The following RPS6KC1 variants were observed in gnomAD, a reference collection of about 807,000 sequenced individuals.
RPS6KC1 encodes the protein inactive ribosomal protein S6 kinase delta-1.
RPS6KC1 carries 54 observed loss-of-function variants against 103.8 expected under a neutral mutation model. That is an observed-to-expected ratio of 0.52 (90% confidence interval 0.42 to 0.65). The LOEUF is 0.65. Ranked by LOEUF, RPS6KC1 falls within the 30% of genes least tolerant of loss-of-function variation. RPS6KC1 has a pLI of 0.00. For missense variants in RPS6KC1, 1,151 were observed against 1,253.8 expected (o/e 0.92, Z 1.24); for synonymous variants, 439 against 438.7 (o/e 1.00, Z -0.01).
chr1:213,793,065 C>G, the RPS6KC1 span, among the ~76,000 whole-genome samples: 1 of 152,142 alleles, frequency 6.6e-6, no homozygotes, highest in African/African-American at 2.4e-5. Flanking sequence ...ACCAGGACCC[C>G]CAGTCTCCAT....
chr1:213,761,779 A>G, the RPS6KC1 span, among the ~76,000 whole-genome samples: 543 of 152,294 alleles, frequency 3.6e-3, 1 homozygote, highest in African/African-American at 0.012. Context: ...AGGCAAGAAG[A>G]ATGAGTCTCT....
the RPS6KC1 span, among the ~76,000 whole-genome samples, chr1:213,757,795 G>A: frequency 6.6e-6 from 1 of 152,162 alleles, no homozygotes; most frequent in African/African-American, 2.4e-5. Flanking sequence ...AGGACGGGCT[G>A]ACTCTCTTGT....
At chr1:213,768,197 C>T in the RPS6KC1 span, among the ~76,000 whole-genome samples, 1 of 152,088 alleles carries the variant, frequency 6.6e-6, no homozygotes, top group Non-Finnish European at 1.5e-5. Context: ...TATGATCCAG[C>T]GGGGACTCAG....
In RPS6KC1 at chr1:213,240,720, A is replaced by T; in HGVS notation, c.1244A>T (p.Tyr415Phe). 1.2e-6 allele frequency: 2 copies of T among 1,611,538 alleles called. No individual in the cohort carries two copies. The highest frequency in any genetic ancestry group is 1.7e-6 in the Non-Finnish European group (2 of 1,178,778). Reference sequence around the variant, plus strand: ...TTCACAGGTGGCAAACTGTGGTCATATATCAGTAAATTTCTAAACAGAAGT... The same window carrying T: ...TTCACAGGTGGCAAACTGTGGTCATTTATCAGTAAATTTCTAAACAGAAGT... Reference protein sequence around the residue: ...QHAEGGKLWSYISKFLNRSPE... With the variant: ...QHAEGGKLWSFISKFLNRSPE... The change falls in exon 11 of 15, where the codon TAT becomes TTT. Residue 415 changes from tyrosine (Y) to phenylalanine (F), a missense_variant. Tyr to Phe is a conservative substitution (Grantham distance 22). Transcript: ENST00000366960.
At chr1:213,278,862 T>G (rs565071774), downstream of RPS6KC1, among the ~76,000 whole-genome samples, 1 of 152,012 alleles carries the variant, frequency 6.6e-6, no homozygotes, top group Admixed American at 6.6e-5. Flanking sequence ...GAAGTGTAGA[T>G]AGGATTTTTA....
chr1:213,692,682 G>C, the RPS6KC1 span, among the ~76,000 whole-genome samples: 1 of 152,148 alleles, frequency 6.6e-6, no homozygotes. Flanking sequence ...CCAGTCGACT[G>C]TCCCTAGAAG....
intron 14 of RPS6KC1, among the ~76,000 whole-genome samples, chr1:213,263,534 T>G (rs2094846077): frequency 6.6e-6 from 1 of 152,160 alleles, no homozygotes; most frequent in Non-Finnish European, 1.5e-5. Flanking sequence ...ATCCTTATGC[T>G]TTTATGAAAA....
the RPS6KC1 span, among the ~76,000 whole-genome samples, chr1:213,457,104 A>C: frequency 6.6e-6 from 1 of 152,156 alleles, no homozygotes; most frequent in Non-Finnish European, 1.5e-5. Flanking sequence ...GGGAGGGGAG[A>C]GGTCACCCTA....
At chr1:213,765,099 G>T in the RPS6KC1 span, among the ~76,000 whole-genome samples, 1 of 152,182 alleles carries the variant, frequency 6.6e-6, no homozygotes, top group South Asian at 2.1e-4. Context: ...TCATCCTGGT[G>T]CACCAAGCTC....
the RPS6KC1 span, among the ~76,000 whole-genome samples, chr1:213,814,289 C>T: frequency 1.1e-4 from 17 of 152,182 alleles, no homozygotes; most frequent in African/African-American, 3.4e-4. Flanking sequence ...GGGGCTTGGG[C>T]GAAGCCTAAA....
the RPS6KC1 span, among the ~76,000 whole-genome samples, chr1:213,794,941 G>T: frequency 6.6e-6 from 1 of 152,138 alleles, no homozygotes; most frequent in Non-Finnish European, 1.5e-5. Context: ...ATAAATGCAC[G>T]TCTAGGTCAG....
chr1:213,284,351 A>G, the RPS6KC1 span, among the ~76,000 whole-genome samples: 135 of 152,258 alleles, frequency 8.9e-4, no homozygotes, highest in Non-Finnish European at 8.1e-4. Flanking sequence ...CCGTGTCTCT[A>G]CTAAAGTACA....
At chr1:213,532,212 G>C in the RPS6KC1 span, among the ~76,000 whole-genome samples, 2 of 152,314 alleles carry the variant, frequency 1.3e-5, no homozygotes, top group East Asian at 3.9e-4. Flanking sequence ...CCAGCAGATG[G>C]GCAGAAGGGG....
chr1:213,599,470 G>T, the RPS6KC1 span, among the ~76,000 whole-genome samples: 11 of 148,406 alleles, frequency 7.4e-5, no homozygotes, highest in African/African-American at 1.0e-4. Context: ...GGTAGAACGA[G>T]GGGGGGAAAA....
At chr1:213,856,502 T>G in the RPS6KC1 span, among the ~76,000 whole-genome samples, 3 of 135,176 alleles carry the variant, frequency 2.2e-5, no homozygotes, top group Admixed American at 2.3e-4. Context: ...CCTTCCCTCC[T>G]CTATTCCTTT....
the RPS6KC1 span, among the ~76,000 whole-genome samples, chr1:213,330,894 T>A: frequency 6.6e-6 from 1 of 152,028 alleles, no homozygotes; most frequent in Non-Finnish European, 1.5e-5. Context: ...TCTCAGAGGG[T>A]GATCACTAAA....
At chr1:213,339,509 TC>T in the RPS6KC1 span, among the ~76,000 whole-genome samples, 1 of 152,210 alleles carries the variant, frequency 6.6e-6, no homozygotes, top group South Asian at 2.1e-4. Flanking sequence ...TGGGTGGTTT[TC>T]TCTGCAGCAT....
chr1:213,203,168 G>A (rs1448687513), intron 8 of RPS6KC1, among the ~76,000 whole-genome samples: 2 of 152,094 alleles, frequency 1.3e-5, no homozygotes, highest in African/African-American at 4.8e-5. Context: ...AGATTTTGAA[G>A]TTTTTCAGAC....
chr1:213,407,493 A>T, the RPS6KC1 span, among the ~76,000 whole-genome samples: 1 of 152,192 alleles, frequency 6.6e-6, no homozygotes, highest in Non-Finnish European at 1.5e-5. Flanking sequence ...GCACTACCTG[A>T]AGTAGCTTGC....
Sources: gnomAD v4.1 joint callset for allele counts (sites outside exome capture counted in the v4.1 genomes callset) on GRCh38, gnomAD v4.1.1 for gene constraint, MANE v1.5 for transcripts, NCBI Gene and HGNC (gene_info 2026-07-23, HGNC 2026-07-21) for gene names.